RORA: variants seen among roughly 807,000 people sequenced by gnomAD.
RORA encodes nuclear receptor ROR-alpha.
RORA carries 7 observed loss-of-function variants against 69.5 expected under a neutral mutation model. The observed-to-expected ratio is 0.10, with a 90% CI of 0.06 to 0.19. The LOEUF is 0.19. RORA is among the 10% of genes least tolerant of loss of function. RORA has a pLI of 1.00. For synonymous variants in RORA, 261 were observed against 240.8 expected, an observed-to-expected ratio of 1.08 and a Z score of -0.78; for missense variants, 457 against 663.0, an observed-to-expected ratio of 0.69 and a Z score of 3.41.
chr15:60,557,223 T>C (rs1471007557), intron 2 of RORA, among the ~76,000 whole-genome samples: 2 of 152,230 alleles, frequency 1.3e-5, no homozygotes, highest in African/African-American at 2.4e-5. Context: ...GTGAAAGAAT[T>C]TGCATTATCC....
At chr15:60,766,614 C>T (rs1337026913) in intron 1 of RORA, among the ~76,000 whole-genome samples, 1 of 151,604 alleles carries the variant, frequency 6.6e-6, no homozygotes. Flanking sequence ...TCTCTGCACT[C>T]GCCTATTGTA....
chr15:60,569,735 A>G (rs1567094617), intron 2 of RORA, among the ~76,000 whole-genome samples: 1 of 152,188 alleles, frequency 6.6e-6, no homozygotes, highest in Admixed American at 6.5e-5. Flanking sequence ...ATACAAGGGT[A>G]AAAGAGGGAT....
chr15:61,062,983 C>A (rs991227199), intron 1 of RORA, among the ~76,000 whole-genome samples: 50 of 152,178 alleles, frequency 3.3e-4, no homozygotes, highest in African/African-American at 1.2e-3. Flanking sequence ...GAGTATATTT[C>A]CTGAGATCCC....
At chr15:60,757,871 TCACAGC>T (rs2071825395) in intron 1 of RORA, among the ~76,000 whole-genome samples, 1 of 152,120 alleles carries the variant, frequency 6.6e-6, no homozygotes, top group South Asian at 2.1e-4. Flanking sequence ...CACTGGGTTA[TCACAGC>T]CACCCGTCAC....
At chr15:60,569,261 T>TAAAA (rs60382168) in intron 2 of RORA, among the ~76,000 whole-genome samples, 7 of 89,632 alleles carry the variant, frequency 7.8e-5, no homozygotes, top group East Asian at 3.0e-4. Flanking sequence ...TTTAAAAAAT[T>TAAAA]AAAAAAAAAA....
chr15:60,502,960 C>G, intron 7 of RORA, 93 bp from the exon 8 acceptor site: 1 of 845,694 alleles, frequency 1.2e-6, no homozygotes, highest in East Asian at 2.4e-5. Context: ...CCTTCTGCAA[C>G]AGCATGGTGG....
At chr15:61,067,499 T>C (rs937413184) in intron 1 of RORA, among the ~76,000 whole-genome samples, 5 of 152,200 alleles carry the variant, frequency 3.3e-5, no homozygotes, top group African/African-American at 1.2e-4. Flanking sequence ...GGTAGCCATT[T>C]GTTAAATACT....
At chr15:61,224,172 GT>G (rs1465322018) in intron 1 of RORA, among the ~76,000 whole-genome samples, 4 of 152,134 alleles carry the variant, frequency 2.6e-5, no homozygotes, top group Non-Finnish European at 5.9e-5. Flanking sequence ...TACTCTCCTT[GT>G]TTCTGCACAC....
At chr15:60,772,628 A>T (rs2072095261) in intron 1 of RORA, among the ~76,000 whole-genome samples, 1 of 152,198 alleles carries the variant, frequency 6.6e-6, no homozygotes. Context: ...CAAGACGTCT[A>T]CTGTATATCT....
intron 3 of RORA, 62 bp from the exon 4 acceptor site, chr15:60,514,819 G>A (rs966443160): frequency 4.5e-6 from 6 of 1,347,782 alleles, no homozygotes; most frequent in Non-Finnish European, 6.3e-6. Flanking sequence ...TGATACTAAA[G>A]GCAGGATGCT....
intron 3 of RORA, among the ~76,000 whole-genome samples, chr15:60,522,772 A>T (rs1397384516): frequency 2.3e-5 from 1 of 43,486 alleles, no homozygotes; most frequent in Admixed American, 4.2e-4. Flanking sequence ...CTGTGTCTTA[A>T]AAAAAAAAAA....
At chr15:60,818,796 T>C (rs2072850639) in intron 1 of RORA, among the ~76,000 whole-genome samples, 1 of 152,232 alleles carries the variant, frequency 6.6e-6, no homozygotes, top group African/African-American at 2.4e-5. Flanking sequence ...GTCTTTCCTA[T>C]GATTAGGTAC....
chr15:61,166,731 C>T (rs1396085161), intron 1 of RORA, among the ~76,000 whole-genome samples: 4 of 152,082 alleles, frequency 2.6e-5, no homozygotes, highest in Non-Finnish European at 4.4e-5. Flanking sequence ...ATCTGGACCT[C>T]AGGACTCCTA....
intron 1 of RORA, among the ~76,000 whole-genome samples, chr15:60,934,848 A>G (rs939690740): frequency 2.0e-5 from 3 of 152,208 alleles, no homozygotes; most frequent in Non-Finnish European, 2.9e-5. Context: ...TTTCCCACAG[A>G]AAGCACCTTT....
chr15:60,668,200 G>A (rs12437754), intron 2 of RORA, among the ~76,000 whole-genome samples: 32,571 of 152,022 alleles, frequency 0.21, 4,072 homozygotes, highest in Admixed American at 0.4. Flanking sequence ...TCCTGAGCCC[G>A]AATGACAAGT....
rs765016051 is a variant in RORA at position 61,155,177 on chromosome 15, A to G, written c.166+73876T>C. ...ATTATCCCAGCTTGATCATTATACAATGTATACATGCATTAAAACATCACA... is the reference window on the plus strand; with the variant it reads ...ATTATCCCAGCTTGATCATTATACAGTGTATACATGCATTAAAACATCACA... On this transcript the variant is annotated intron_variant, in intron 1 of 10. Coordinates refer to ENST00000335670, the MANE Select transcript of RORA (RefSeq NM_134261.3). Among the ~76,000 whole-genome samples, 97 of 152,224 alleles carry G rather than the reference A, an allele frequency of 6.4e-4. 1 individual carries two copies. Among genetic ancestry groups the G allele is most frequent in the Non-Finnish European group, 1.2e-3 (81 of 68,040 alleles).
chr15:60,954,222 C>T (rs1893196719), intron 1 of RORA, among the ~76,000 whole-genome samples: 1 of 137,190 alleles, frequency 7.3e-6, no homozygotes, highest in East Asian at 2.1e-4. Flanking sequence ...TATTCTCACT[C>T]ATAGGTGGGA....
At chr15:60,889,350 CG>C (rs3985706) in intron 1 of RORA, among the ~76,000 whole-genome samples, 15,785 of 130,604 alleles carry the variant, frequency 0.12, 847 homozygotes, top group Middle Eastern at 0.18. Context: ...GGGAGTGGGG[CG>C]GGGGGGGGGG....
chr15:60,762,348 G>T (rs1244389548), intron 1 of RORA, among the ~76,000 whole-genome samples: 1 of 152,116 alleles, frequency 6.6e-6, no homozygotes, highest in African/African-American at 2.4e-5. Context: ...TTTAATGGTG[G>T]TAGACCCAAA....
Sources: gnomAD v4.1 joint callset for allele counts (sites outside exome capture counted in the v4.1 genomes callset) on GRCh38, gnomAD v4.1.1 for gene constraint, MANE v1.5 for transcripts, NCBI Gene and HGNC (gene_info 2026-07-23, HGNC 2026-07-21) for gene names.